The following LIPH variants were observed in gnomAD, a reference collection of about 807,000 sequenced individuals.
The protein encoded by LIPH is lipase H.
Under a neutral mutation model 47.6 loss-of-function variants are expected in LIPH, and 32 were observed. The observed-to-expected ratio is 0.67, with a 90% confidence interval of 0.51 to 0.90. The LOEUF (loss-of-function observed/expected upper bound fraction) is 0.90. LIPH is among the 40% of genes least tolerant of loss of function. LIPH has a pLI of 0.00. For missense variants in LIPH, 497 were observed against 541.4 expected (o/e 0.92, Z 0.81); for synonymous variants, 190 against 195.6 (o/e 0.97, Z 0.24).
intron 3 of LIPH, among the ~76,000 whole-genome samples, chr3:185,533,069 CTTTG>C (rs1297065845): frequency 6.6e-6 from 1 of 152,132 alleles, no homozygotes; most frequent in Non-Finnish European, 1.5e-5. Context: ...GCAAAGGAGT[CTTTG>C]TTTGGGATCT....
intron 1 of LIPH, among the ~76,000 whole-genome samples, chr3:185,537,903 C>T (rs933016451): frequency 6.6e-6 from 1 of 152,142 alleles, no homozygotes; most frequent in Non-Finnish European, 1.5e-5. Flanking sequence ...TCCTCCTGGG[C>T]TCAAGCAGTC....
At chr3:185,526,968 G>A (rs1198078827) in intron 4 of LIPH, among the ~76,000 whole-genome samples, 1 of 152,124 alleles carries the variant, frequency 6.6e-6, no homozygotes, top group Non-Finnish European at 1.5e-5. Context: ...TGCCGGGCGC[G>A]GTGGCTCACG....
intron 4 of LIPH, among the ~76,000 whole-genome samples, chr3:185,524,712 G>A (rs551159327): frequency 6.6e-6 from 1 of 152,180 alleles, no homozygotes; most frequent in South Asian, 2.1e-4. Flanking sequence ...GCCTCCCAAA[G>A]CGCTGGTATT....
chr3:185,519,756 G>A (rs1237440117), intron 5 of LIPH, among the ~76,000 whole-genome samples: 1 of 140,206 alleles, frequency 7.1e-6, no homozygotes, highest in Admixed American at 8.1e-5. Flanking sequence ...AGAATCGCTT[G>A]AACCTGGGAG....
At chr3:185,510,039 C>T (rs1719509770) in intron 9 of LIPH, among the ~76,000 whole-genome samples, 1 of 151,196 alleles carries the variant, frequency 6.6e-6, no homozygotes, top group South Asian at 2.1e-4. Context: ...TTCTGCCTCC[C>T]AGATACGAGC....
chr3:185,516,942 C>T (rs539989721), intron 7 of LIPH, 125 bp downstream of exon 7: 1 of 768,200 alleles, frequency 1.3e-6, no homozygotes, highest in Admixed American at 1.7e-5. Context: ...AACCGAGGCC[C>T]TTCCAGCTCC....
chr3:185,552,234 C>A (rs1329428174), intron 1 of LIPH, among the ~76,000 whole-genome samples, 189 bp downstream of exon 1: 1 of 147,834 alleles, frequency 6.8e-6, no homozygotes. Flanking sequence ...GTTCATCTAA[C>A]CTGTATCTTT....
intron 3 of LIPH, among the ~76,000 whole-genome samples, chr3:185,532,268 T>G (rs1023107099): frequency 6.6e-6 from 1 of 151,858 alleles, no homozygotes; most frequent in African/African-American, 2.4e-5. Flanking sequence ...TCCCAGCACT[T>G]TGGGAGGCTG....
chr3:185,507,421 T>C lies in LIPH; in HGVS notation c.*1369A>G, dbSNP rs1013518387. The C allele has an allele frequency of 6.6e-6, 1 of 151,806 alleles. No homozygotes were observed. Among genetic ancestry groups the C allele is most frequent in the Non-Finnish European group, 1.5e-5 (1 of 68,042 alleles). 9.4% of individuals were successfully genotyped at this position (151,806 alleles called of 1,614,324 possible). On this transcript the variant is annotated 3_prime_UTR_variant, in exon 10 of 10. Transcript: ENST00000296252. ...CAAAGGCTATTTTCACAGATAGCAG[T>C]TGAAGGAGCAATCACTTGGGTGAAG...
At chr3:185,516,316 T>G (rs1338293724) in intron 7 of LIPH, among the ~76,000 whole-genome samples, 1 of 151,334 alleles carries the variant, frequency 6.6e-6, no homozygotes, top group Non-Finnish European at 1.5e-5. Context: ...ACCTGTAGTC[T>G]CAGGTACTCG....
At chr3:185,531,574 G>T (rs1381608986) in intron 3 of LIPH, among the ~76,000 whole-genome samples, 2 of 141,278 alleles carry the variant, frequency 1.4e-5, no homozygotes, top group Non-Finnish European at 3.1e-5. Context: ...AAAAAAAAAA[G>T]AAGAAGACTT....
rs1214764197 is a variant in LIPH, at chr3:185,533,675, T to G, written c.422A>C (p.Glu141Ala). 11 of 1,607,220 alleles carry G rather than the reference T, an allele frequency of 6.8e-6. No individual in the cohort carries two copies. Among genetic ancestry groups the G allele is most frequent in the Non-Finnish European group, 9.4e-6 (11 of 1,173,778 alleles). Residue 141 changes from glutamate (E) to alanine (A), a missense_variant, in exon 3 of 10, where the codon GAA becomes GCA. By Grantham distance (107) the Glu-to-Ala change is moderately radical. Coordinates refer to ENST00000296252, the MANE Select transcript of LIPH (RefSeq NM_139248.3). Reference protein sequence around the residue: ...LKEFIDQMLAEGASLDDIYMI... With the variant: ...LKEFIDQMLAAGASLDDIYMI... ...GTAAATGTCATCAAGAGAAGCTCCT[T>G]CTGCCTGGAATTTCAAGAGGTCCAT...
intron 1 of LIPH, among the ~76,000 whole-genome samples, chr3:185,548,681 C>T (rs558565349): frequency 5.9e-5 from 9 of 152,066 alleles, no homozygotes; most frequent in African/African-American, 2.2e-4. Context: ...GAGCCAAGAT[C>T]GTGCCACTGC....
At chr3:185,524,047 A>G (rs1347339406) in intron 5 of LIPH, 24 bp downstream of exon 5, 1 of 1,550,218 alleles carries the variant, frequency 6.5e-7, no homozygotes. Context: ...TTATACCACT[A>G]TTTTACAAAA....
intron 3 of LIPH, among the ~76,000 whole-genome samples, chr3:185,531,190 T>G (rs972446423): frequency 6.6e-6 from 1 of 152,220 alleles, no homozygotes; most frequent in Non-Finnish European, 1.5e-5. Flanking sequence ...GCAGGTTACT[T>G]AACTTCTCTG....
intron 8 of LIPH, among the ~76,000 whole-genome samples, chr3:185,513,338 C>T (rs964250264): frequency 3.6e-5 from 4 of 109,788 alleles, no homozygotes; most frequent in African/African-American, 1.4e-4. Context: ...GGCTCTGTCT[C>T]AAAAAAAAAA....
In LIPH at chr3:185,528,359, C is replaced by T. The variant is rs990343809; in HGVS notation, c.527-774G>A. ...GAAAGAAAGAAAGAAAGAAAGAAAG[C>T]GCTATACTCATCTTTATCCCACTTT... On this transcript the variant is annotated intron_variant, in intron 3 of 9. Coordinates refer to ENST00000296252, the MANE Select transcript of LIPH (RefSeq NM_139248.3). Among the ~76,000 whole-genome samples, 13 of 15,554 alleles carry T rather than the reference C, an allele frequency of 8.4e-4. 1 individual carries two copies. The South Asian group carries it at 9.0e-3, about 11-fold the overall frequency. The allele number at this position is 15,554 out of a possible 152,430, so 10.2% of individuals were successfully genotyped here.
At chr3:185,526,447 G>C (rs932152249) in intron 4 of LIPH, among the ~76,000 whole-genome samples, 2 of 151,474 alleles carry the variant, frequency 1.3e-5, no homozygotes, top group African/African-American at 4.9e-5. Context: ...CTTGAACCCA[G>C]GAGGCAGATG....
intron 4 of LIPH, among the ~76,000 whole-genome samples, chr3:185,526,937 A>G (rs1374693923): frequency 6.6e-6 from 1 of 152,152 alleles, no homozygotes; most frequent in African/African-American, 2.4e-5. Context: ...TTCATTGAGC[A>G]TGATGATTCC....
Sources: gnomAD v4.1 joint callset for allele counts (sites outside exome capture counted in the v4.1 genomes callset) on GRCh38, gnomAD v4.1.1 for gene constraint, MANE v1.5 for transcripts, NCBI Gene and HGNC (gene_info 2026-07-23, HGNC 2026-07-21) for gene names.